EIF4A2: variants seen among roughly 807,000 people sequenced by gnomAD.
EIF4A2 encodes eukaryotic translation initiation factor 4A2.
A neutral mutation model predicts 50.6 loss-of-function variants in EIF4A2; 9 were observed. That is an observed-to-expected ratio of 0.18 (90% CI 0.11 to 0.31). EIF4A2 has a LOEUF of 0.31. EIF4A2 is among the 10% of genes least tolerant of loss of function. The pLI is 1.00. For missense variants in EIF4A2, 182 were observed against 501.8 expected, an observed-to-expected ratio of 0.36 and a Z score of 6.09; for synonymous variants, 215 against 164.4, an observed-to-expected ratio of 1.31 and a Z score of -2.35.
At chr3:186,784,273 T>G in intron 1 of EIF4A2, 159 bp from the exon 2 acceptor site, 9 of 1,062,204 alleles carry the variant, frequency 8.5e-6, no homozygotes, top group Non-Finnish European at 1.2e-5. Flanking sequence ...GCCCCAACCT[T>G]TAGGGAAGGC....
Position 186,789,793 on chromosome 3 carries a change from C to T in EIF4A2, c.*524C>T, listed in dbSNP as rs1191000362. On this transcript the variant is annotated 3_prime_UTR_variant, in exon 11 of 11. Coordinates refer to ENST00000323963, the MANE Select transcript of EIF4A2 (RefSeq NM_001967.4). Reference sequence around the variant, plus strand: ...GTGTGAACTGGACCCTGTTGCTAAGCCCCAGCAAGCAATCCTAGGTAGGGT... The same window carrying T: ...GTGTGAACTGGACCCTGTTGCTAAGTCCCAGCAAGCAATCCTAGGTAGGGT... The T allele has an allele frequency of 5.2e-6, 3 of 575,796 alleles. No homozygotes were observed. Among genetic ancestry groups the T allele is most frequent in the Non-Finnish European group, 9.2e-6 (3 of 326,520 alleles). 35.7% of individuals were successfully genotyped at this position (575,796 alleles called of 1,614,324 possible).
At chr3:186,787,698 A>G (rs561664828) in intron 9 of EIF4A2, 105 bp from the exon 10 acceptor site, 23 of 1,581,912 alleles carry the variant, frequency 1.5e-5, no homozygotes, top group Non-Finnish European at 2.0e-5. Flanking sequence ...ACCACACTCC[A>G]CAGTGGGCTA....
chr3:186,784,251 G>A (rs764696988), intron 1 of EIF4A2, 181 bp from the exon 2 acceptor site: 3 of 851,866 alleles, frequency 3.5e-6, no homozygotes, highest in Middle Eastern at 3.6e-4. Flanking sequence ...CTGCCTTTCC[G>A]GGCATCCGCA....
rs1579166617 is a variant in EIF4A2, at chr3:186,788,017, T to A, written c.1079+135T>A. ...TGTTCAGTAAGATGATGTAATTAAA[T>A]TTGTACTAGGGAAGGTTGATGAGAA... On this transcript the variant is annotated intron_variant, in intron 10 of 10. Transcript: ENST00000323963. The A allele has an allele frequency of 5.2e-6, 5 of 969,852 alleles. No individual in the cohort carries two copies. In the East Asian group the frequency reaches 1.3e-4, roughly 25 times the overall value. 60.1% of individuals were successfully genotyped at this position (969,852 alleles called of 1,614,324 possible). A position where few individuals can be genotyped will look rare whatever the true frequency, so the allele number is the denominator to read the frequency against.
In EIF4A2 at chr3:186,786,383, C is replaced by T; in HGVS notation, c.627+110C>T. 7 of 1,523,686 alleles carry T rather than the reference C, an allele frequency of 4.6e-6. No homozygotes were observed. In the South Asian group the frequency reaches 8.8e-5, roughly 19 times the overall value. The allele number at this position is 1,523,686 out of a possible 1,614,324, so 94.4% of individuals were successfully genotyped here. On this transcript the variant is annotated intron_variant, in intron 6 of 10. Coordinates refer to ENST00000323963, the MANE Select transcript of EIF4A2 (RefSeq NM_001967.4). Reference sequence around the variant, plus strand: ...GTTGTCGTTCCCCCTGCTTAAAGCACTTGATGCATAACTCTGTCTACCTTC... The same window carrying T: ...GTTGTCGTTCCCCCTGCTTAAAGCATTTGATGCATAACTCTGTCTACCTTC...
At chr3:186,787,352 C>G in intron 8 of EIF4A2, 88 bp downstream of exon 8, 1 of 1,612,174 alleles carries the variant, frequency 6.2e-7, no homozygotes, top group African/African-American at 1.3e-5. Context: ...GTCGTTCCCC[C>G]TGCTTAAAAT....
Position 186,785,069 on chromosome 3 carries a change from G to A in EIF4A2, c.316G>A (p.Val106Ile). Residue 106 changes from valine to isoleucine, a missense_variant, in exon 4 of 11, where the codon GTA becomes ATA. Val to Ile is a conservative substitution (Grantham distance 29). Coordinates refer to ENST00000323963, the MANE Select transcript of EIF4A2 (RefSeq NM_001967.4). ...TGAGTTCAAGGAGACCCAAGCACTA[G>A]TATTGGCCCCCACCAGAGAACTGGC... is the stretch of plus-strand genomic sequence containing the variant. Reference protein sequence around the residue: ...EIEFKETQALVLAPTRELAQQ... With the variant: ...EIEFKETQALILAPTRELAQQ... 1 of 1,614,166 alleles carries A rather than the reference G, an allele frequency of 6.2e-7. No individual in the cohort carries two copies. Among genetic ancestry groups the A allele is most frequent in the Non-Finnish European group, 8.5e-7 (1 of 1,180,032 alleles).
In EIF4A2 at chr3:186,789,214, CTT is replaced by C; in HGVS notation, c.1171_1172del (p.Phe391LeufsTer14). ...AAGAGGATTCTTCGTGACATTGAGA[CTT>C]TCTACAATACTACAGTGGAGGAGAT... On this transcript the variant is annotated frameshift_variant, in exon 11 of 11. Transcript: ENST00000323963. LOFTEE classifies it high-confidence loss of function. 6.2e-7 allele frequency: 1 copy of C among 1,613,316 alleles called. No individual in the cohort carries two copies. The highest frequency in any genetic ancestry group is 8.5e-7 in the Non-Finnish European group (1 of 1,179,810).
At chr3:186,787,706 C>CT in intron 9 of EIF4A2, 97 bp from the exon 10 acceptor site, 4 of 1,579,806 alleles carry the variant, frequency 2.5e-6, no homozygotes, top group Non-Finnish European at 8.7e-7. Flanking sequence ...CCACAGTGGG[C>CT]TATACCACTT....
In EIF4A2 at chr3:186,783,588, G is replaced by C. The variant is rs753103190; in HGVS notation, c.-23G>C. 2 of 1,614,046 alleles carry C rather than the reference G, an allele frequency of 1.2e-6. No homozygotes were observed. Among genetic ancestry groups the C allele is most frequent in the Non-Finnish European group, 1.7e-6 (2 of 1,180,034 alleles). ...TTGGGCGCCGCTGTCTTTTCAGTCGGGCGCTGAGTGGTTTTTCGGATCATG... is the reference window on the plus strand; with the variant it reads ...TTGGGCGCCGCTGTCTTTTCAGTCGCGCGCTGAGTGGTTTTTCGGATCATG... On this transcript the variant is annotated 5_prime_UTR_variant, in exon 1 of 11. Coordinates refer to ENST00000323963, the MANE Select transcript of EIF4A2 (RefSeq NM_001967.4).
Position 186,789,495 on chromosome 3 carries a change from T to TG in EIF4A2, c.*230dup. ...AGACTGTTGGGGTGGGTATAAAAGATGGGGTCTGTAAAATCTTTCTTTCTT... is the reference window on the plus strand; with the variant it reads ...AGACTGTTGGGGTGGGTATAAAAGATGGGGGTCTGTAAAATCTTTCTTTCTT... On this transcript the variant is annotated 3_prime_UTR_variant, in exon 11 of 11. Transcript: ENST00000323963. 1 of 446,742 alleles carries TG rather than the reference T, an allele frequency of 2.2e-6. No individual in the cohort carries two copies. The highest frequency in any genetic ancestry group is 4.1e-5 in the Admixed American group (1 of 24,274). 27.7% of individuals were successfully genotyped at this position (446,742 alleles called of 1,614,324 possible). A position where few individuals can be genotyped will look rare whatever the true frequency, so the allele number is the denominator to read the frequency against.
intron 3 of EIF4A2, 90 bp from the exon 4 acceptor site, chr3:186,784,872 T>G: frequency 6.2e-7 from 1 of 1,608,496 alleles, no homozygotes; most frequent in Non-Finnish European, 8.5e-7. Context: ...CTTGATTATT[T>G]GGGCATAATG....
intron 6 of EIF4A2, 97 bp downstream of exon 6, chr3:186,786,370 C>T (rs979582770): frequency 6.6e-7 from 1 of 1,518,360 alleles, no homozygotes. Context: ...TGTCGTTCCC[C>T]CTGCTTAAAG....
Position 186,789,727 on chromosome 3 carries a change from TG to T in EIF4A2, c.*460del, listed in dbSNP as rs1722003678. The T allele has an allele frequency of 2.4e-6, 1 of 409,824 alleles. No individual in the cohort carries two copies. Among genetic ancestry groups the T allele is most frequent in the African/African-American group, 2.1e-5 (1 of 48,494 alleles). The allele number at this position is 409,824 out of a possible 1,614,324, so 25.4% of individuals were successfully genotyped here. Reference sequence around the variant, plus strand: ...AGAAAGCATTTGAATGCATTTTGTTTGGTATTGTATTTATTCAATAAAGTAT... The same window carrying T: ...AGAAAGCATTTGAATGCATTTTGTTTGTATTGTATTTATTCAATAAAGTAT... On this transcript the variant is annotated 3_prime_UTR_variant, in exon 11 of 11. Transcript: ENST00000323963.
rs1369003722 is a variant in EIF4A2 at position 186,787,739 on chromosome 3, T to C, written c.1000-64T>C. On this transcript the variant is annotated intron_variant, in intron 9 of 10. Transcript: ENST00000323963. Reference sequence around the variant, plus strand: ...CTTAGTATAGTTCGCTACTATTTTGTGGCCTACATGACAGGTGTCAAGTTT... The same window carrying C: ...CTTAGTATAGTTCGCTACTATTTTGCGGCCTACATGACAGGTGTCAAGTTT... 1.9e-6 allele frequency: 3 copies of C among 1,604,376 alleles called. No homozygotes were observed. In the African/African-American group the frequency reaches 4.0e-5, roughly 21 times the overall value.
intron 6 of EIF4A2, 32 bp from the exon 7 acceptor site, chr3:186,786,470 G>C: frequency 6.2e-7 from 1 of 1,607,074 alleles, no homozygotes; most frequent in Non-Finnish European, 8.5e-7. Flanking sequence ...TAATGTGTAA[G>C]TTGTGCTACA....
chr3:186,789,028 T>TA, intron 10 of EIF4A2, 97 bp from the exon 11 acceptor site: 1 of 1,479,672 alleles, frequency 6.8e-7, no homozygotes, highest in Non-Finnish European at 9.0e-7. Context: ...ATAACCTTGA[T>TA]AAGTAAACAG....
intron 3 of EIF4A2, 99 bp downstream of exon 3, chr3:186,784,795 A>G (rs753913348): frequency 1.2e-6 from 2 of 1,602,488 alleles, no homozygotes; most frequent in Non-Finnish European, 8.5e-7. Flanking sequence ...TGTATTCCTT[A>G]AAGTGAAATG....
chr3:186,787,996 C>A, intron 10 of EIF4A2, 114 bp downstream of exon 10: 3 of 1,118,976 alleles, frequency 2.7e-6, no homozygotes, highest in South Asian at 1.5e-5. Context: ...CAGTAGTGTT[C>A]AGTAAGATGA....
Sources: allele counts gnomAD v4.1 joint callset, GRCh38; gene constraint gnomAD v4.1.1; transcripts MANE v1.5; gene names NCBI Gene and HGNC (gene_info 2026-07-23, HGNC 2026-07-21).